The following RO60 variants were observed in gnomAD, a reference collection of about 807,000 sequenced individuals.
The protein encoded by RO60 is RNA-binding protein RO60.
A neutral mutation model predicts 55.3 loss-of-function variants in RO60; 20 were observed. That is an observed-to-expected ratio of 0.36 (90% CI 0.25 to 0.53). The LOEUF is 0.53. Ranked by LOEUF, RO60 falls within the 20% of genes least tolerant of loss-of-function variation. RO60 has a pLI of 0.92. For missense variants in RO60, 558 were observed against 646.6 expected (o/e 0.86, Z 1.49); for synonymous variants, 213 against 213.6 (o/e 1.00, Z 0.02).
Position 193,081,447 on chromosome 1 carries a change from C to A in RO60, c.1170C>A (p.Leu390=). ...ACCAAAGAGTTTTGGGTAGTATACT[C>A]AACGCTAGTACAGTTGCTGCAGCAA... is the stretch of plus-strand genomic sequence containing the variant. ...SMNQRVLGSI[L]NASTVAAAMC... The change falls in exon 6 of 9, where the codon CTC becomes CTA. Residue 390 remains leucine, a synonymous_variant. Coordinates refer to ENST00000400968, the MANE Select transcript of RO60 (RefSeq NM_001173524.2). 6.2e-7 allele frequency: 1 copy of A among 1,610,616 alleles called. No homozygotes were observed. Among genetic ancestry groups the A allele is most frequent in the South Asian group, 1.1e-5 (1 of 90,472 alleles).
rs576641020 is a variant in RO60 at position 193,088,861 on chromosome 1, T to G, written c.*4130T>G. 2.0e-5 allele frequency: 3 copies of G among 152,338 alleles called. No individual in the cohort carries two copies. In the South Asian group the frequency reaches 6.2e-4, roughly 32 times the overall value. 9.4% of individuals were successfully genotyped at this position (152,338 alleles called of 1,614,324 possible). A position where few individuals can be genotyped will look rare whatever the true frequency, so the allele number is the denominator to read the frequency against. On this transcript the variant is annotated 3_prime_UTR_variant, in exon 9 of 9. Transcript: ENST00000400968. Reference sequence around the variant, plus strand: ...ATCTCTTATTTGTTGGAAGATTACTTTTCTACCTCTTTTTTTTCTTTTAAA... The same window carrying G: ...ATCTCTTATTTGTTGGAAGATTACTGTTCTACCTCTTTTTTTTCTTTTAAA...
chr1:193,080,107 G>A (rs577401726), intron 5 of RO60, among the ~76,000 whole-genome samples: 2 of 151,936 alleles, frequency 1.3e-5, no homozygotes, highest in African/African-American at 2.4e-5. Flanking sequence ...CTCCACCCTG[G>A]GCAACAAGAG....
intron 2 of RO60, among the ~76,000 whole-genome samples, chr1:193,073,125 A>C (rs1050463306): frequency 2.0e-5 from 3 of 152,252 alleles, no homozygotes; most frequent in Admixed American, 2.0e-4. Context: ...GGCCAGCGCA[A>C]TTACAGAACC....
At chr1:193,078,435 G>C (rs1369119156) in intron 5 of RO60, among the ~76,000 whole-genome samples, 3 of 152,076 alleles carry the variant, frequency 2.0e-5, no homozygotes, top group Non-Finnish European at 4.4e-5. Flanking sequence ...ATGAAATAAT[G>C]AAAGACATTG....
At chr1:193,083,285 GT>G (rs940504620) in intron 8 of RO60, among the ~76,000 whole-genome samples, 1 of 151,956 alleles carries the variant, frequency 6.6e-6, no homozygotes, top group Admixed American at 6.6e-5. Flanking sequence ...TTAGCTGTAA[GT>G]TTTTTTTAAT....
At chr1:193,076,174 G>A (rs1673903326) in intron 3 of RO60, 134 bp downstream of exon 3, 2 of 589,488 alleles carry the variant, frequency 3.4e-6, no homozygotes, top group Non-Finnish European at 2.7e-6. Flanking sequence ...TGAAATTGAT[G>A]TCTGTTTAAA....
chr1:193,085,059 A>G lies in RO60; in HGVS notation c.*328A>G. On this transcript the variant is annotated 3_prime_UTR_variant, in exon 9 of 9. Coordinates refer to ENST00000400968, the MANE Select transcript of RO60 (RefSeq NM_001173524.2). ...AAAAGAGGTAAGAGCAAAAAGTGTA[A>G]TTCCACATCATGTTACTTGAGAAGT... 1 of 1,513,772 alleles carries G rather than the reference A, an allele frequency of 6.6e-7. No individual in the cohort carries two copies. The highest frequency in any genetic ancestry group is 8.8e-7 in the Non-Finnish European group (1 of 1,135,814). The allele number at this position is 1,513,772 out of a possible 1,614,324, so 93.8% of individuals were successfully genotyped here.
At chr1:193,083,286 T>A (rs1037478410) in intron 8 of RO60, among the ~76,000 whole-genome samples, 1 of 152,118 alleles carries the variant, frequency 6.6e-6, no homozygotes, top group Non-Finnish European at 1.5e-5. Context: ...TAGCTGTAAG[T>A]TTTTTTTAAT....
chr1:193,082,205 A>G lies in RO60; in HGVS notation c.1223A>G (p.Lys408Arg). ...AMCMVVTRTE[K>R]DSYVVAFSDE... ...TTTCAGGTTGTCACACGAACAGAAA[A>G]AGATTCTTATGTAGTTGCTTTTTCC... Residue 408 changes from lysine (K) to arginine (R), a missense_variant, in exon 7 of 9, where the codon AAA becomes AGA. Lys to Arg is a conservative substitution (Grantham distance 26). Coordinates refer to ENST00000400968, the MANE Select transcript of RO60 (RefSeq NM_001173524.2). 6.2e-7 allele frequency: 1 copy of G among 1,612,776 alleles called. No individual in the cohort carries two copies. Among genetic ancestry groups the G allele is most frequent in the Non-Finnish European group, 8.5e-7 (1 of 1,179,404 alleles).
chr1:193,079,471 T>C (rs888244816), intron 5 of RO60, among the ~76,000 whole-genome samples: 2 of 152,178 alleles, frequency 1.3e-5, no homozygotes, highest in Non-Finnish European at 2.9e-5. Context: ...GAAAACTGCA[T>C]ATCCACATAC....
intron 2 of RO60, 28 bp downstream of exon 2, chr1:193,069,662 AG>A: frequency 6.5e-7 from 1 of 1,539,620 alleles, no homozygotes; most frequent in Non-Finnish European, 8.8e-7. Context: ...ATTGGGAAGA[AG>A]GGTGGGTAAG....
At chr1:193,081,298 A>T (rs755940537) in intron 5 of RO60, 66 bp from the exon 6 acceptor site, 3 of 894,906 alleles carry the variant, frequency 3.4e-6, no homozygotes, top group Non-Finnish European at 5.3e-6. Flanking sequence ...AGTAAATATG[A>T]TTTAGAAATT....
chr1:193,077,594 C>A (rs1674014822), intron 5 of RO60, among the ~76,000 whole-genome samples: 1 of 152,100 alleles, frequency 6.6e-6, no homozygotes, highest in African/African-American at 2.4e-5. Flanking sequence ...GGGAAATCGC[C>A]CCCATGATTC....
At chr1:193,069,681 C>A in intron 2 of RO60, 47 bp downstream of exon 2, 1 of 1,414,840 alleles carries the variant, frequency 7.1e-7, no homozygotes, top group South Asian at 1.4e-5. Context: ...AAGGGATATT[C>A]AATAAATAGC....
chr1:193,086,082 T>C lies in RO60; in HGVS notation c.*1351T>C. The C allele has an allele frequency of 3.2e-6, 3 of 951,564 alleles. No homozygotes were observed. Among genetic ancestry groups the C allele is most frequent in the Non-Finnish European group, 3.8e-6 (3 of 799,320 alleles). The allele number at this position is 951,564 out of a possible 1,614,324, so 58.9% of individuals were successfully genotyped here. Reference sequence around the variant, plus strand: ...GTTCTCTAAATATTAATTGAAGATTTACTGAGGATTTGTAAGGTCCTTCTC... The same window carrying C: ...GTTCTCTAAATATTAATTGAAGATTCACTGAGGATTTGTAAGGTCCTTCTC... On this transcript the variant is annotated 3_prime_UTR_variant, in exon 9 of 9. Coordinates refer to ENST00000400968, the MANE Select transcript of RO60 (RefSeq NM_001173524.2).
chr1:193,088,037 G>A lies in RO60; in HGVS notation c.*3306G>A, dbSNP rs1280377686. On this transcript the variant is annotated 3_prime_UTR_variant, in exon 9 of 9. Transcript: ENST00000400968. ...TTAACAAACTTTTTTTTTTGAGACA[G>A]GCTATCCCTCTGTCACCCAGGCTGG... 1 of 151,794 alleles carries A rather than the reference G, an allele frequency of 6.6e-6. No homozygotes were observed. The highest frequency in any genetic ancestry group is 1.5e-5 in the Non-Finnish European group (1 of 67,986). The allele number at this position is 151,794 out of a possible 1,614,324, so 9.4% of individuals were successfully genotyped here.
intron 2 of RO60, among the ~76,000 whole-genome samples, chr1:193,073,648 A>G (rs1213310351): frequency 6.6e-6 from 1 of 152,136 alleles, no homozygotes; most frequent in African/African-American, 2.4e-5. Context: ...ATCTTGGCCC[A>G]CTGTAACCTC....
intron 2 of RO60, among the ~76,000 whole-genome samples, 195 bp downstream of exon 2, chr1:193,069,829 A>C (rs1673360540): frequency 6.6e-6 from 1 of 152,240 alleles, no homozygotes; most frequent in African/African-American, 2.4e-5. Context: ...GACATTAATA[A>C]TCAAGAATCA....
At chr1:193,076,833 T>A in intron 4 of RO60, 80 bp from the exon 5 acceptor site, 1 of 1,443,656 alleles carries the variant, frequency 6.9e-7, no homozygotes, top group Non-Finnish European at 9.4e-7. Flanking sequence ...ATGTAGTTAT[T>A]AGCTACAATA....
Sources: allele counts gnomAD v4.1 joint callset (sites outside exome capture counted in the v4.1 genomes callset), GRCh38; gene constraint gnomAD v4.1.1; transcripts MANE v1.5; gene names NCBI Gene and HGNC (gene_info 2026-07-23, HGNC 2026-07-21).